The following ARIH1 variants were observed in gnomAD, a reference collection of about 807,000 sequenced individuals.
ARIH1 encodes the protein E3 ubiquitin-protein ligase ARIH1.
A neutral mutation model predicts 85.0 loss-of-function variants in ARIH1; 8 were observed. The ratio of observed to expected loss-of-function variants is 0.09; its 90% CI spans 0.06 to 0.17. ARIH1 has a LOEUF of 0.17. Among genes scored for constraint, ARIH1 ranks in the 10% least tolerant of loss-of-function variants. ARIH1 has a pLI of 1.00. For missense variants in ARIH1, 311 were observed against 718.1 expected (o/e 0.43, Z 6.48); for synonymous variants, 238 against 253.6 (o/e 0.94, Z 0.59).
At chr15:72,532,864 G>C (rs531759383) in intron 2 of ARIH1, among the ~76,000 whole-genome samples, 16 of 152,338 alleles carry the variant, frequency 1.1e-4, no homozygotes, top group African/African-American at 3.8e-4. Context: ...GAGATGCCAA[G>C]GAGCCTTTGC....
chr15:72,522,196 G>T (rs568110745), intron 2 of ARIH1, among the ~76,000 whole-genome samples: 5 of 152,056 alleles, frequency 3.3e-5, no homozygotes, highest in African/African-American at 1.2e-4. Flanking sequence ...AGTCTTAAGG[G>T]TTTTTATTAG....
chr15:72,550,752 A>G (rs1194368007), intron 3 of ARIH1, among the ~76,000 whole-genome samples: 2 of 150,868 alleles, frequency 1.3e-5, no homozygotes, highest in Admixed American at 6.6e-5. Context: ...GCTTACTGCA[A>G]CCTCCGCCTC....
rs186709935 is a variant in ARIH1, at chr15:72,510,463, A to G, written c.376-7604A>G. ...ATGTGAGCTAAAGTACATTTTAAAA[A>G]TATGTACATCTTAATTATTCCAGTA... On this transcript the variant is annotated intron_variant, in intron 1 of 13. Transcript: ENST00000379887. Among the ~76,000 whole-genome samples the G allele has an allele frequency of 1.6e-4, 25 of 152,216 alleles. No homozygotes were observed. The East Asian group carries it at 4.4e-3, about 27-fold the overall frequency.
chr15:72,475,616 C>T (rs1224729614), intron 1 of ARIH1, among the ~76,000 whole-genome samples: 3 of 152,216 alleles, frequency 2.0e-5, no homozygotes, highest in Non-Finnish European at 1.5e-5. Context: ...CTTCTGCTTA[C>T]ATCTTTTTTA....
intron 1 of ARIH1, among the ~76,000 whole-genome samples, chr15:72,516,235 A>ATACAGTG (rs1224699643): frequency 6.6e-6 from 1 of 152,178 alleles, no homozygotes; most frequent in Non-Finnish European, 1.5e-5. Flanking sequence ...GTGGTAGAAA[A>ATACAGTG]TACAGTGTAC....
At chr15:72,573,699 A>T (rs946498003) in intron 11 of ARIH1, among the ~76,000 whole-genome samples, 3 of 151,640 alleles carry the variant, frequency 2.0e-5, no homozygotes, top group African/African-American at 7.3e-5. Context: ...TATTTATTAT[A>T]ATATTATTTA....
At chr15:72,537,087 C>T (rs1271579755) in intron 2 of ARIH1, among the ~76,000 whole-genome samples, 1 of 149,860 alleles carries the variant, frequency 6.7e-6, no homozygotes, top group East Asian at 1.9e-4. Context: ...TGTGTGAGTT[C>T]TCATTTTTGT....
chr15:72,551,763 T>C (rs905527429), intron 3 of ARIH1, among the ~76,000 whole-genome samples: 8 of 152,240 alleles, frequency 5.3e-5, no homozygotes, highest in Middle Eastern at 3.4e-3. Flanking sequence ...GCCAATTTCC[T>C]ACATAAGTAA....
In ARIH1 at chr15:72,572,173, T is replaced by C. The variant is rs2064251094; in HGVS notation, c.1215+8T>C. ...GCAAGAGATGCACAGGAGGTAAGTA[T>C]ATGTATAACAGGACAATAGTTGACT... is the stretch of plus-strand genomic sequence containing the variant. On this transcript the variant is annotated splice_region_variant and intron_variant, in intron 11 of 13. Transcript: ENST00000379887. 2 of 1,584,430 alleles carry C rather than the reference T, an allele frequency of 1.3e-6. No individual in the cohort carries two copies.
At position 72,594,757 on chromosome 15, in the gene ARIH1, G is replaced by A. The variant is rs955068288; in HGVS notation, c.*11465G>A. The A allele has an allele frequency of 2.0e-5, 3 of 147,256 alleles. No homozygotes were observed. The highest frequency in any genetic ancestry group is 4.0e-4 in the East Asian group (2 of 4,956). 9.1% of individuals were successfully genotyped at this position (147,256 alleles called of 1,614,324 possible). A position where few individuals can be genotyped will look rare whatever the true frequency, so the allele number is the denominator to read the frequency against. The stretch of plus-strand genomic sequence containing the variant: ...TTTTATATTAAATAGATACACAACA[G>A]TGTAGTCTGCAAATAATGTTTTTAC... On this transcript the variant is annotated 3_prime_UTR_variant, in exon 14 of 14. Transcript: ENST00000379887.
At chr15:72,545,820 C>T (rs145531526) in intron 3 of ARIH1, among the ~76,000 whole-genome samples, 5 of 152,316 alleles carry the variant, frequency 3.3e-5, no homozygotes, top group African/African-American at 1.2e-4. Flanking sequence ...CAGAGTGAGA[C>T]TCCGTCTCAA....
intron 2 of ARIH1, among the ~76,000 whole-genome samples, chr15:72,521,210 C>G (rs77929096): frequency 0.048 from 6,436 of 135,356 alleles, 446 homozygotes; most frequent in East Asian, 0.12. Context: ...CCCCCCCCCC[C>G]CCCTTTTCTG....
intron 2 of ARIH1, among the ~76,000 whole-genome samples, chr15:72,538,145 C>T (rs970368343): frequency 3.9e-5 from 6 of 152,178 alleles, no homozygotes; most frequent in Non-Finnish European, 7.3e-5. Flanking sequence ...GGGCAGATCA[C>T]TTGAGCCCAG....
At chr15:72,502,765 C>A (rs560673425) in intron 1 of ARIH1, among the ~76,000 whole-genome samples, 4 of 152,092 alleles carry the variant, frequency 2.6e-5, no homozygotes, top group Non-Finnish European at 5.9e-5. Flanking sequence ...AAGATCTCGC[C>A]ACTGTACTCC....
At chr15:72,480,263 A>AATT (rs2063810686) in intron 1 of ARIH1, among the ~76,000 whole-genome samples, 1 of 136,190 alleles carries the variant, frequency 7.3e-6, no homozygotes, top group African/African-American at 2.7e-5. Context: ...GAACCTTCAA[A>AATT]TTTTTTTTTT....
intron 2 of ARIH1, among the ~76,000 whole-genome samples, chr15:72,520,125 A>C (rs1289734445): frequency 6.6e-6 from 1 of 152,194 alleles, no homozygotes; most frequent in Non-Finnish European, 1.5e-5. Context: ...CTGTCTAAAA[A>C]AATAGGTGGT....
intron 2 of ARIH1, among the ~76,000 whole-genome samples, chr15:72,543,780 C>T (rs761852019): frequency 6.6e-6 from 1 of 151,476 alleles, no homozygotes; most frequent in Non-Finnish European, 1.5e-5. Flanking sequence ...CTTTACAACC[C>T]AAAAAGTAAT....
chr15:72,562,896 T>TA (rs36009263), intron 6 of ARIH1, among the ~76,000 whole-genome samples: 187 of 141,950 alleles, frequency 1.3e-3, no homozygotes, highest in African/African-American at 3.3e-3. Flanking sequence ...CAGTCATCTT[T>TA]AAAAAAAAAA....
intron 1 of ARIH1, among the ~76,000 whole-genome samples, chr15:72,487,361 T>C (rs549003071): frequency 3.3e-5 from 5 of 152,354 alleles, no homozygotes; most frequent in African/African-American, 1.2e-4. Flanking sequence ...CCTGGTAATA[T>C]GTCCTCTCTC....
Sources: gnomAD v4.1 joint callset for allele counts (sites outside exome capture counted in the v4.1 genomes callset) on GRCh38, gnomAD v4.1.1 for gene constraint, MANE v1.5 for transcripts, NCBI Gene and HGNC (gene_info 2026-07-23, HGNC 2026-07-21) for gene names.